Variants in EPG5 observed in about 807,000 individuals in gnomAD.
The protein encoded by EPG5 is ectopic P granules protein 5 homolog.
EPG5 carries 159 observed loss-of-function variants against 302.7 expected under a neutral mutation model. The ratio of observed to expected loss-of-function variants is 0.53; its 90% confidence interval spans 0.46 to 0.60. The LOEUF is 0.60. EPG5 is among the 20% of genes least tolerant of loss of function. The pLI, the probability that EPG5 is intolerant of heterozygous loss-of-function variation, is 0.00. For missense variants in EPG5, 2,896 were observed against 3,092.4 expected (o/e 0.94, Z 1.51); for synonymous variants, 1,158 against 1,136.8 (o/e 1.02, Z -0.37).
intron 24 of EPG5, 38 bp downstream of exon 24, chr18:45,907,920 T>TAA (rs542412749): frequency 1.4e-3 from 1,867 of 1,340,942 alleles, no homozygotes; most frequent in South Asian, 3.2e-3. Flanking sequence ...TCAGATATGC[T>TAA]AAAAAAAAAA....
the EPG5 span, chr18:45,837,645 G>T: frequency 2.0e-6 from 3 of 1,506,282 alleles, no homozygotes; most frequent in East Asian, 2.7e-5. Context: ...GCCATCTGGC[G>T]CGCGGGCGAG....
chr18:45,912,553 G>T, intron 21 of EPG5, 97 bp from the exon 22 acceptor site: 3 of 1,163,526 alleles, frequency 2.6e-6, no homozygotes, highest in Non-Finnish European at 3.6e-6. Context: ...CAAACATTCT[G>T]TTTTCAATTC....
At chr18:45,809,606 C>G in the EPG5 span, among the ~76,000 whole-genome samples, 1 of 152,150 alleles carries the variant, frequency 6.6e-6, no homozygotes, top group East Asian at 1.9e-4. Context: ...ATTAAATAAC[C>G]TGTTCCTGAA....
intron 39 of EPG5, among the ~76,000 whole-genome samples, chr18:45,863,010 T>C (rs1270118569): frequency 5.9e-5 from 9 of 152,242 alleles, no homozygotes; most frequent in Non-Finnish European, 1.3e-4. Context: ...TACTGATTTT[T>C]TTTTCTTTGT....
chr18:45,899,116 AAAAC>A (rs376778321), intron 27 of EPG5, among the ~76,000 whole-genome samples: 128 of 152,264 alleles, frequency 8.4e-4, no homozygotes, highest in African/African-American at 2.8e-3. Context: ...TCCGTTTCAA[AAAAC>A]AAACAAACAA....
the EPG5 span, among the ~76,000 whole-genome samples, chr18:45,831,560 C>T: frequency 6.6e-6 from 1 of 152,160 alleles, no homozygotes; most frequent in African/African-American, 2.4e-5. Context: ...CAACTGTATC[C>T]CCAGCACCCA....
Position 45,948,543 on chromosome 18 carries a change from G to T in EPG5, c.1531C>A (p.His511Asn). 1 of 1,613,938 alleles carries T rather than the reference G, an allele frequency of 6.2e-7. No homozygotes were observed. The highest frequency in any genetic ancestry group is 8.5e-7 in the Non-Finnish European group (1 of 1,179,894). ...AGCAGGGCAAGGGATTGCATAAAAT[G>T]AAAGACCCCTGATGGGTTATGCAAC... The part of the protein sequence containing the change: ...KVLHNPSGVF[H>N]FMQSLALLMS... Residue 511 changes from histidine to asparagine, a missense_variant, in exon 6 of 44, where the codon CAT becomes AAT. His to Asn is a moderately conservative substitution (Grantham distance 68). This residue lies in a region of EPG5 where 1,390 missense variants were observed against 1,430.0 expected (regional missense o/e 0.97). Transcript: ENST00000282041.
intron 27 of EPG5, among the ~76,000 whole-genome samples, chr18:45,892,573 GC>G (rs2049376877): frequency 6.6e-6 from 1 of 152,172 alleles, no homozygotes; most frequent in Non-Finnish European, 1.5e-5. Flanking sequence ...CCTGGGGTCA[GC>G]AAGCATACCC....
At chr18:45,837,464 C>T in the EPG5 span, 2 of 1,424,350 alleles carry the variant, frequency 1.4e-6, no homozygotes, top group Non-Finnish European at 1.8e-6. Context: ...CGGGTGCGGG[C>T]GCCTCGACCC....
chr18:45,951,078 C>A, intron 4 of EPG5, 24 bp downstream of exon 4: 1 of 1,491,856 alleles, frequency 6.7e-7, no homozygotes, highest in Non-Finnish European at 8.9e-7. Context: ...ACAAAGACTA[C>A]TGTGTCTATC....
chr18:45,920,627 C>T (rs149112982), intron 16 of EPG5, among the ~76,000 whole-genome samples: 283 of 152,264 alleles, frequency 1.9e-3, no homozygotes, highest in African/African-American at 6.4e-3. Context: ...GAGGAGGAGG[C>T]GGGGTGCCAG....
At chr18:45,861,390 A>G (rs1185367397) in intron 39 of EPG5, among the ~76,000 whole-genome samples, 1 of 152,242 alleles carries the variant, frequency 6.6e-6, no homozygotes, top group African/African-American at 2.4e-5. Context: ...ACTAATAGGA[A>G]TAGATTACTA....
Position 45,928,985 on chromosome 18 carries a change from T to C in EPG5, c.2437A>G (p.Arg813Gly), listed in dbSNP as rs1485650325. The change falls in exon 13 of 44, where the codon AGA becomes GGA. Residue 813 changes from arginine (R) to glycine (G), a missense_variant. Arg to Gly is a moderately radical substitution (Grantham distance 125). Coordinates refer to ENST00000282041, the MANE Select transcript of EPG5 (RefSeq NM_020964.3). ...YEVSYVTLSTRETFSKVGREL... is the reference protein window; with the variant it reads ...YEVSYVTLSTGETFSKVGREL... ...CGACCAACCTTTGAAAAAGTCTCTCTGGTAGACAAGGTGACATAAGATACC... is the reference window on the plus strand; with the variant it reads ...CGACCAACCTTTGAAAAAGTCTCTCCGGTAGACAAGGTGACATAAGATACC... The C allele has an allele frequency of 1.2e-5, 19 of 1,614,006 alleles. No individual in the cohort carries two copies. The highest frequency in any genetic ancestry group is 1.5e-5 in the Non-Finnish European group (18 of 1,179,936).
In EPG5 at chr18:45,943,142, A is replaced by G. The variant is rs1257254082; in HGVS notation, c.1943+19T>C. The stretch of plus-strand genomic sequence containing the variant: ...CAGGGTGAAAGGAACAGAGAAGGGT[A>G]GAGCAACAGCAGTATTACCTGATCA... On this transcript the variant is annotated intron_variant, in intron 9 of 43. Coordinates refer to ENST00000282041, the MANE Select transcript of EPG5 (RefSeq NM_020964.3). 3 of 1,612,046 alleles carry G rather than the reference A, an allele frequency of 1.9e-6. No individual in the cohort carries two copies. In the African/African-American group the frequency reaches 4.0e-5, roughly 22 times the overall value.
At chr18:45,945,014 A>C (rs1291226394) in intron 7 of EPG5, among the ~76,000 whole-genome samples, 1 of 152,196 alleles carries the variant, frequency 6.6e-6, no homozygotes, top group Non-Finnish European at 1.5e-5. Flanking sequence ...TTAGAAACCA[A>C]GTTGATTCAT....
At chr18:45,902,515 T>C (rs1177327371) in intron 25 of EPG5, among the ~76,000 whole-genome samples, 1 of 152,190 alleles carries the variant, frequency 6.6e-6, no homozygotes, top group African/African-American at 2.4e-5. Context: ...TAAATTCATA[T>C]TTAACAGTAA....
At position 45,906,914 on chromosome 18, in the gene EPG5, C is replaced by T. The variant is rs184204362; in HGVS notation, c.4329+1044G>A. 5.3e-5 allele frequency among the ~76,000 whole-genome samples: 8 copies of T among 152,336 alleles called. No homozygotes were observed. The East Asian group carries it at 1.5e-3, about 29-fold the overall frequency. ...CAGGTGATCTACCCACCTCGGCCTC[C>T]CAAAGTGTTGGGATTACAGGCGTGG... On this transcript the variant is annotated intron_variant, in intron 24 of 43. Transcript: ENST00000282041.
intron 43 of EPG5, among the ~76,000 whole-genome samples, chr18:45,853,760 G>T (rs1168856330): frequency 6.6e-6 from 1 of 152,098 alleles, no homozygotes; most frequent in Non-Finnish European, 1.5e-5. Flanking sequence ...AAGGTATCTG[G>T]GTACCAAATT....
chr18:45,967,105 G>T (rs1414739806), intron 1 of EPG5, 72 bp downstream of exon 1: 32 of 1,456,870 alleles, frequency 2.2e-5, no homozygotes, highest in African/African-American at 2.8e-5. Context: ...GAATTGGCTG[G>T]GGAGGCCGAA....
Sources: allele counts gnomAD v4.1 joint callset (sites outside exome capture counted in the v4.1 genomes callset), GRCh38; gene constraint gnomAD v4.1.1; regional missense constraint gnomAD v4.1.1; transcripts MANE v1.5; gene names NCBI Gene and HGNC (gene_info 2026-07-23, HGNC 2026-07-21).